The following CHD9 variants were observed in gnomAD, a reference collection of about 807,000 sequenced individuals.
The protein encoded by CHD9 is ATP-dependent chromatin remodeler CHD9.
Under a neutral mutation model 316.1 loss-of-function variants are expected in CHD9, and 77 were observed. The observed-to-expected ratio is 0.24, with a 90% CI of 0.20 to 0.29. The LOEUF is 0.29. Among genes scored for constraint, CHD9 ranks in the 10% least tolerant of loss-of-function variants. The pLI is 1.00. For synonymous variants in CHD9, 1,129 were observed against 1,158.3 expected (o/e 0.97, Z 0.51); for missense variants, 2,763 against 3,438.1 (o/e 0.80, Z 4.91).
chr16:53,285,577 T>C lies in CHD9; in HGVS notation c.4968-19T>C. 1 of 1,476,540 alleles carries C rather than the reference T, an allele frequency of 6.8e-7. No homozygotes were observed. Among genetic ancestry groups the C allele is most frequent in the Non-Finnish European group, 9.3e-7 (1 of 1,069,692 alleles). 91.5% of individuals were successfully genotyped at this position (1,476,540 alleles called of 1,614,324 possible). ...TCATTTATAATAATTCATAATGCCA[T>C]ATTATGATTTTTTTAAAGTGACATT... On this transcript the variant is annotated intron_variant, in intron 24 of 38. Transcript: ENST00000447540.
rs541911325 is a variant in CHD9 at position 53,286,807 on chromosome 16, C to T, written c.5189+464C>T. Among the ~76,000 whole-genome samples, 23 of 152,242 alleles carry T rather than the reference C, an allele frequency of 1.5e-4. 1 individual carries two copies. The South Asian group carries it at 2.5e-3, about 16-fold the overall frequency. On this transcript the variant is annotated intron_variant, in intron 26 of 38. Coordinates refer to ENST00000447540, the MANE Select transcript of CHD9 (RefSeq NM_001308319.2). ...ATAGGATTTGCATTTAACCTATGCA[C>T]ATTCTCCCGTATGCTTTAAACTATC...
intron 1 of CHD9, among the ~76,000 whole-genome samples, chr16:53,148,618 C>T (rs1042618913): frequency 6.6e-6 from 1 of 152,160 alleles, no homozygotes; most frequent in Admixed American, 6.5e-5. Context: ...TCTTCATGTC[C>T]TCCTTGGACA....
chr16:53,178,427 CTT>C (rs10569589), intron 2 of CHD9, among the ~76,000 whole-genome samples: 3,481 of 98,710 alleles, frequency 0.035, 70 homozygotes, highest in African/African-American at 0.11. Flanking sequence ...TTGTTGGTTT[CTT>C]TTTTTTTTTT....
chr16:53,157,414 C>T lies in CHD9; in HGVS notation c.1325C>T (p.Ser442Leu), dbSNP rs367828484. ...CATGACCTTGATCGGCAGTTTACTT[C>T]GCATCTGGTAACACGGCCTTCTGAT... ...LDHDLDRQFT[S>L]HLVTRPSDMA... The change falls in exon 2 of 39, where the codon TCG (serine) becomes TTG (leucine). Residue 442 changes from serine to leucine, a missense_variant. Around this residue, in one of 15 missense-constraint regions of CHD9, gnomAD observed 859 missense variants for 890.4 expected, o/e 0.96. Coordinates refer to ENST00000447540, the MANE Select transcript of CHD9 (RefSeq NM_001308319.2). 35 of 1,613,870 alleles carry T rather than the reference C, an allele frequency of 2.2e-5. No homozygotes were observed. The South Asian group carries it at 2.5e-4, about 12-fold the overall frequency.
chr16:53,214,003 A>G (rs1788020759), intron 3 of CHD9, among the ~76,000 whole-genome samples: 1 of 152,192 alleles, frequency 6.6e-6, no homozygotes, highest in Non-Finnish European at 1.5e-5. Context: ...AAATTTGGAG[A>G]TATTTATCAA....
intron 1 of CHD9, among the ~76,000 whole-genome samples, chr16:53,072,860 A>G (rs1309651571): frequency 3.3e-5 from 5 of 151,816 alleles, no homozygotes; most frequent in Non-Finnish European, 7.4e-5. Context: ...ACGCCCAGCT[A>G]ATTTTTGTAT....
intron 36 of CHD9, among the ~76,000 whole-genome samples, chr16:53,317,662 T>TTTTTGA (rs1442545455): frequency 6.6e-6 from 1 of 152,278 alleles, no homozygotes; most frequent in Non-Finnish European, 1.5e-5. Flanking sequence ...GCAAGCTAAT[T>TTTTTGA]TTTTGATTTT....
In CHD9 at chr16:53,255,695, C is replaced by G. The variant is rs367588836; in HGVS notation, c.4125C>G (p.Cys1375Trp). ...AAGAAGATGAAGGCTCTAAATTCTG[C>G]GAAGAGGATATCGATCAGATTTTAC... Reference protein sequence around the residue: ...MEEEDEGSKFCEEDIDQILLR... With the variant: ...MEEEDEGSKFWEEDIDQILLR... Residue 1375 changes from cysteine to tryptophan, a missense_variant, in exon 19 of 39, where the codon TGC becomes TGG. Physicochemically the swap from Cys to Trp is radical, Grantham distance 215. This residue lies in a region of CHD9 where 199 missense variants were observed against 251.7 expected (regional missense o/e 0.79). Transcript: ENST00000447540. 3 of 1,613,682 alleles carry G rather than the reference C, an allele frequency of 1.9e-6. No homozygotes were observed. Among genetic ancestry groups the G allele is most frequent in the Non-Finnish European group, 2.5e-6 (3 of 1,179,704 alleles).
At chr16:53,307,585 G>A (rs1406225393) in intron 32 of CHD9, 96 bp from the exon 33 acceptor site, 2 of 1,101,402 alleles carry the variant, frequency 1.8e-6, no homozygotes, top group South Asian at 3.3e-5. Flanking sequence ...CACATATGTT[G>A]AACTAGGGTT....
rs2048189716 is a variant in CHD9, at chr16:53,231,697, T to C, written c.2424T>C (p.Ser808=). ...GGTGCTCATTGCCATATGAAGATAG[T>C]ACTTGGGAACTAAAAGAAGATGTAG... The part of the protein sequence containing the change: ...VKWCSLPYED[S]TWELKEDVDL... Residue 808 remains serine (S), a synonymous_variant, in exon 10 of 39, where the codon AGT becomes AGC. Coordinates refer to ENST00000447540, the MANE Select transcript of CHD9 (RefSeq NM_001308319.2). 6.2e-7 allele frequency: 1 copy of C among 1,609,608 alleles called. No homozygotes were observed. Among genetic ancestry groups the C allele is most frequent in the East Asian group, 2.2e-5 (1 of 44,772 alleles).
In CHD9 at chr16:53,235,189, GTCC is replaced by G; in HGVS notation, c.2521_2523del (p.Pro841del). On this transcript the variant is annotated inframe_deletion, in exon 11 of 39. Coordinates refer to ENST00000447540, the MANE Select transcript of CHD9 (RefSeq NM_001308319.2). ...ATTCTTTGTTTTTCCACAAAGGACC[GTCC>G]TCCTTCTAATATTTGGAAGAAAATA... is the stretch of plus-strand genomic sequence containing the variant. The G allele has an allele frequency of 3.9e-6, 6 of 1,556,642 alleles. No homozygotes were observed. The highest frequency in any genetic ancestry group is 5.2e-6 in the Non-Finnish European group (6 of 1,148,478).
At chr16:53,200,006 C>T (rs1012342129) in intron 2 of CHD9, among the ~76,000 whole-genome samples, 10 of 151,710 alleles carry the variant, frequency 6.6e-5, no homozygotes, top group South Asian at 2.1e-4. Flanking sequence ...GAGGCCGAGG[C>T]GGGTGGGTCA....
chr16:53,093,598 G>A (rs1293253955), intron 1 of CHD9, among the ~76,000 whole-genome samples: 2 of 152,160 alleles, frequency 1.3e-5, no homozygotes, highest in East Asian at 3.8e-4. Context: ...TAGTACAAAT[G>A]TACCACACCT....
At chr16:53,072,046 C>T (rs776437633) in intron 1 of CHD9, among the ~76,000 whole-genome samples, 11 of 152,214 alleles carry the variant, frequency 7.2e-5, no homozygotes, top group Non-Finnish European at 1.3e-4. Flanking sequence ...ACACCCACCT[C>T]TGTATCCAAA....
intron 2 of CHD9, among the ~76,000 whole-genome samples, chr16:53,186,407 C>T (rs2044009531): frequency 6.6e-6 from 1 of 152,182 alleles, no homozygotes; most frequent in Non-Finnish European, 1.5e-5. Context: ...AATGCTTGTG[C>T]CTTCATTGTA....
At chr16:53,174,986 C>T (rs2043005964) in intron 2 of CHD9, among the ~76,000 whole-genome samples, 1 of 152,144 alleles carries the variant, frequency 6.6e-6, no homozygotes, top group African/African-American at 2.4e-5. Context: ...TTGAAATACA[C>T]TTTTAAGCTT....
chr16:53,318,252 A>C lies in CHD9; in HGVS notation c.7625A>C (p.His2542Pro), dbSNP rs1367168251. The change falls in exon 37 of 39, where the codon CAC becomes CCC. Residue 2542 changes from histidine to proline, a missense_variant. By Grantham distance (77) the His-to-Pro change is moderately conservative. This residue lies in a region of CHD9 where 19 missense variants were observed against 44.5 expected (regional missense o/e 0.43). Coordinates refer to ENST00000447540, the MANE Select transcript of CHD9 (RefSeq NM_001308319.2). ...LHEGRPKQKRHRCRNPNKLDV... is the reference protein window; with the variant it reads ...LHEGRPKQKRPRCRNPNKLDV... Reference sequence around the variant, plus strand: ...GAGGGAAGACCCAAACAAAAAAGACACCGTTGCAGAAACCCCAATAAACTA... The same window carrying C: ...GAGGGAAGACCCAAACAAAAAAGACCCCGTTGCAGAAACCCCAATAAACTA... 6.2e-7 allele frequency: 1 copy of C among 1,613,014 alleles called. No individual in the cohort carries two copies. Among genetic ancestry groups the C allele is most frequent in the Non-Finnish European group, 8.5e-7 (1 of 1,179,396 alleles).
chr16:53,230,243 G>A (rs1176010516), intron 8 of CHD9, among the ~76,000 whole-genome samples: 1 of 152,122 alleles, frequency 6.6e-6, no homozygotes, highest in East Asian at 1.9e-4. Context: ...AGTACTGGTG[G>A]TTAATCACTA....
intron 38 of CHD9, among the ~76,000 whole-genome samples, chr16:53,323,203 A>G (rs995531178): frequency 1.3e-5 from 2 of 152,212 alleles, no homozygotes; most frequent in African/African-American, 4.8e-5. Context: ...CTCAATTTTT[A>G]TAGATTACAT....
Sources: allele counts gnomAD v4.1 joint callset (sites outside exome capture counted in the v4.1 genomes callset), GRCh38; gene constraint gnomAD v4.1.1; regional missense constraint gnomAD v4.1.1; transcripts MANE v1.5; gene names NCBI Gene and HGNC (gene_info 2026-07-23, HGNC 2026-07-21).